WWOX: variants seen among roughly 807,000 people sequenced by gnomAD.
WWOX encodes the protein WW domain containing oxidoreductase.
WWOX carries 69 observed loss-of-function variants against 46.2 expected under a neutral mutation model. That is an observed-to-expected ratio of 1.49 (90% CI 1.23 to 1.82). The LOEUF is 1.82. Among genes scored for constraint, WWOX ranks in the 40% most tolerant of loss-of-function variants. The probability of loss-of-function intolerance (pLI) is 0.00; values close to 1 mark genes in which losing one functional copy is unlikely to be tolerated. For synonymous variants in WWOX, 359 were observed against 202.6 expected, an observed-to-expected ratio of 1.77 and a Z score of -6.56; for missense variants, 919 against 542.6, an observed-to-expected ratio of 1.69 and a Z score of -6.89.
chr16:78,109,204 G>C (rs771679773), intron 2 of WWOX, among the ~76,000 whole-genome samples: 4 of 152,138 alleles, frequency 2.6e-5, no homozygotes, highest in Non-Finnish European at 5.9e-5. Context: ...GTATAAGAAA[G>C]GGACAGGCAC....
chr16:78,566,348 T>C (rs1170502925), intron 8 of WWOX, among the ~76,000 whole-genome samples: 1 of 152,186 alleles, frequency 6.6e-6, no homozygotes, highest in Non-Finnish European at 1.5e-5. Flanking sequence ...ACCTCTCTAC[T>C]AAGTGATTCA....
At chr16:78,691,836 A>G (rs1482520519) in intron 8 of WWOX, among the ~76,000 whole-genome samples, 4 of 152,192 alleles carry the variant, frequency 2.6e-5, no homozygotes, top group African/African-American at 7.2e-5. Context: ...CCAAATCTCA[A>G]CTTGAATTGT....
chr16:78,965,001 T>A (rs2046338695), intron 8 of WWOX, among the ~76,000 whole-genome samples: 1 of 152,204 alleles, frequency 6.6e-6, no homozygotes, highest in African/African-American at 2.4e-5. Flanking sequence ...TGCCTAGTTT[T>A]CAGAAAATAT....
intron 8 of WWOX, among the ~76,000 whole-genome samples, chr16:78,903,857 G>A (rs1305746126): frequency 6.6e-6 from 1 of 152,210 alleles, no homozygotes. Flanking sequence ...TTAGTTCTCA[G>A]AACTCTGTGG....
At position 78,922,062 on chromosome 16, in the gene WWOX, G is replaced by A. The variant is rs904878885; in HGVS notation, c.1057-289546G>A. Among the ~76,000 whole-genome samples, 12 of 152,286 alleles carry A rather than the reference G, an allele frequency of 7.9e-5. No individual in the cohort carries two copies. In the East Asian group the frequency reaches 2.1e-3, roughly 27 times the overall value. Reference sequence around the variant, plus strand: ...ACTATCTATGTGTGGCAGTATGCATGGAATATTGTCAGACAGAGAAACTCA... The same window carrying A: ...ACTATCTATGTGTGGCAGTATGCATAGAATATTGTCAGACAGAGAAACTCA... On this transcript the variant is annotated intron_variant, in intron 8 of 8. Transcript: ENST00000566780.
chr16:78,811,492 C>T (rs1185509859), intron 8 of WWOX, among the ~76,000 whole-genome samples: 1 of 151,568 alleles, frequency 6.6e-6, no homozygotes. Context: ...TCTCTCCCTC[C>T]CTCTTTCTTT....
intron 6 of WWOX, among the ~76,000 whole-genome samples, chr16:78,390,472 G>A (rs912970560): frequency 3.9e-5 from 6 of 152,192 alleles, no homozygotes; most frequent in African/African-American, 1.2e-4. Context: ...TGAGAAACAA[G>A]GGTGATTTTC....
intron 7 of WWOX, among the ~76,000 whole-genome samples, chr16:78,426,706 C>T (rs1339296329): frequency 1.3e-5 from 2 of 152,106 alleles, no homozygotes; most frequent in East Asian, 3.9e-4. Context: ...GATCTGTTAC[C>T]AGGCTGCAGT....
intron 8 of WWOX, among the ~76,000 whole-genome samples, chr16:78,522,258 G>C (rs982056064): frequency 6.6e-6 from 1 of 151,758 alleles, no homozygotes; most frequent in Non-Finnish European, 1.5e-5. Context: ...TGAAAAATAA[G>C]GGTTAGGATT....
chr16:78,884,968 C>G (rs1284990147), intron 8 of WWOX, among the ~76,000 whole-genome samples: 1 of 152,206 alleles, frequency 6.6e-6, no homozygotes, highest in Non-Finnish European at 1.5e-5. Context: ...TGCATACCCT[C>G]TGAGACCCCA....
At chr16:79,143,444 G>A (rs1403148828) in intron 8 of WWOX, among the ~76,000 whole-genome samples, 1 of 152,160 alleles carries the variant, frequency 6.6e-6, no homozygotes, top group East Asian at 1.9e-4. Flanking sequence ...CTGAACGGTG[G>A]TGTATTCTGT....
intron 8 of WWOX, among the ~76,000 whole-genome samples, chr16:78,786,830 G>A (rs2050469387): frequency 6.6e-6 from 1 of 152,108 alleles, no homozygotes; most frequent in African/African-American, 2.4e-5. Flanking sequence ...TTTAAATTGT[G>A]GTAAGATTTA....
At chr16:78,637,147 G>A (rs1028682620) in intron 8 of WWOX, among the ~76,000 whole-genome samples, 4 of 152,236 alleles carry the variant, frequency 2.6e-5, no homozygotes, top group Admixed American at 1.3e-4. Flanking sequence ...ACTCTGTGTT[G>A]AGAAATATTC....
At chr16:78,629,430 C>T (rs763832498) in intron 8 of WWOX, among the ~76,000 whole-genome samples, 5 of 152,156 alleles carry the variant, frequency 3.3e-5, no homozygotes, top group Non-Finnish European at 7.3e-5. Context: ...CTCTTGAAAT[C>T]CCTTCTTCAG....
intron 8 of WWOX, among the ~76,000 whole-genome samples, chr16:78,703,242 A>G (rs1269933332): frequency 6.6e-6 from 1 of 152,024 alleles, no homozygotes; most frequent in South Asian, 2.1e-4. Flanking sequence ...AACTACCCAC[A>G]TTCACCCCGG....
At chr16:78,328,629 G>A (rs868486910) in intron 5 of WWOX, among the ~76,000 whole-genome samples, 1 of 152,232 alleles carries the variant, frequency 6.6e-6, no homozygotes, top group East Asian at 1.9e-4. Context: ...AGATGAATCC[G>A]GAGTTAGTGC....
At chr16:78,941,621 G>T (rs192120358) in intron 8 of WWOX, among the ~76,000 whole-genome samples, 131 of 152,212 alleles carry the variant, frequency 8.6e-4, no homozygotes, top group African/African-American at 3.0e-3. Flanking sequence ...TAAATCATAG[G>T]AGAGTGCTCA....
intron 8 of WWOX, among the ~76,000 whole-genome samples, chr16:79,188,867 G>A (rs895954873): frequency 2.6e-4 from 40 of 152,200 alleles, no homozygotes; most frequent in African/African-American, 9.2e-4. Context: ...GTAAGCTGAA[G>A]GCATTAGTAT....
At chr16:78,280,612 G>A (rs538192495) in intron 5 of WWOX, among the ~76,000 whole-genome samples, 1 of 151,138 alleles carries the variant, frequency 6.6e-6, no homozygotes, top group East Asian at 2.0e-4. Flanking sequence ...AGAAGGCAAA[G>A]AGAGAGCAGC....
Sources: allele counts gnomAD v4.1 joint callset (sites outside exome capture counted in the v4.1 genomes callset), GRCh38; gene constraint gnomAD v4.1.1; transcripts MANE v1.5; gene names NCBI Gene and HGNC (gene_info 2026-07-23, HGNC 2026-07-21).